The following ATG7 variants were observed in gnomAD, a reference collection of about 807,000 sequenced individuals.
ATG7 encodes autophagy related 7.
In ATG7, 70 loss-of-function variants were observed where a neutral mutation model predicts 82.4. The ratio of observed to expected loss-of-function variants is 0.85; its 90% CI spans 0.70 to 1.04. The LOEUF (loss-of-function observed/expected upper bound fraction) is 1.04, where lower values mean the gene tolerates loss of function less well. Among genes scored for constraint, ATG7 ranks in the 50% least tolerant of loss-of-function variants. ATG7 has a pLI of 0.00. For synonymous variants in ATG7, 287 were observed against 313.0 expected, an observed-to-expected ratio of 0.92 and a Z score of 0.88; for missense variants, 792 against 864.3, an observed-to-expected ratio of 0.92 and a Z score of 1.05.
intron 9 of ATG7, among the ~76,000 whole-genome samples, chr3:11,321,430 G>T (rs931031406): frequency 6.6e-6 from 1 of 150,846 alleles, no homozygotes; most frequent in Non-Finnish European, 1.5e-5. Flanking sequence ...ACCGTGACCA[G>T]CATGCAGCTG....
chr3:11,471,179 G>A (rs1251339847), intron 20 of ATG7, among the ~76,000 whole-genome samples: 1 of 152,056 alleles, frequency 6.6e-6, no homozygotes, highest in African/African-American at 2.4e-5. Flanking sequence ...CCAAAGGCTG[G>A]CTAGCCTTTG....
intron 9 of ATG7, among the ~76,000 whole-genome samples, chr3:11,319,039 C>T (rs1337279858): frequency 1.3e-5 from 2 of 152,232 alleles, no homozygotes; most frequent in Non-Finnish European, 2.9e-5. Context: ...TGTTTGTCCC[C>T]ACTCTGCGTC....
chr3:11,399,987 T>A (rs1283698419), intron 19 of ATG7, among the ~76,000 whole-genome samples: 1 of 152,256 alleles, frequency 6.6e-6, no homozygotes, highest in Non-Finnish European at 1.5e-5. Context: ...CTATAGACTA[T>A]ATTTTACATT....
chr3:11,317,395 C>T lies in ATG7; in HGVS notation c.678+1902C>T, dbSNP rs538239881. The stretch of plus-strand genomic sequence containing the variant: ...AAGTGCAGCTCTGCCAAAATAATAA[C>T]AGTTTGAACAGTGCTTTACAATTAA... On this transcript the variant is annotated intron_variant, in intron 9 of 20. Transcript: ENST00000693202. 1.8e-4 allele frequency among the ~76,000 whole-genome samples: 27 copies of T among 152,218 alleles called. 2 individuals carry two copies. The South Asian group carries it at 5.6e-3, about 32-fold the overall frequency.
At chr3:11,346,616 T>A (rs975721296) in intron 13 of ATG7, 2 of 152,234 alleles carry the variant, frequency 1.3e-5, no homozygotes, top group African/African-American at 4.8e-5. Context: ...GGCATGTTTG[T>A]AATGTATCTG....
rs543994723 is a variant in ATG7 at position 11,415,511 on chromosome 3, AT to A, written c.1957-11287del. On this transcript the variant is annotated intron_variant, in intron 19 of 20. Transcript: ENST00000693202. ...ACAAATTGTACAGCCATACAAAAAC[AT>A]TTTTTCTTTATACCCTTATCCTATA... 1.5e-4 allele frequency among the ~76,000 whole-genome samples: 23 copies of A among 152,258 alleles called. No homozygotes were observed. The South Asian group carries it at 3.5e-3, about 23-fold the overall frequency.
downstream of ATG7, chr3:11,558,472 A>G (rs979292945): frequency 7.2e-5 from 47 of 650,606 alleles, no homozygotes; most frequent in East Asian, 9.6e-5. Context: ...CCCCACCCCC[A>G]TGATTTTTTT....
chr3:11,491,610 C>T (rs1403128877), intron 20 of ATG7, among the ~76,000 whole-genome samples: 1 of 152,058 alleles, frequency 6.6e-6, no homozygotes, highest in African/African-American at 2.4e-5. Context: ...GTTTTATCTA[C>T]TTTTGGTCTT....
chr3:11,391,967 G>T (rs1415298007), intron 19 of ATG7, among the ~76,000 whole-genome samples: 6 of 130,704 alleles, frequency 4.6e-5, no homozygotes, highest in Admixed American at 7.4e-5. Flanking sequence ...TTGGGGGGGG[G>T]GTAATTTCAC....
At chr3:11,443,164 C>T (rs1026109849) in intron 20 of ATG7, among the ~76,000 whole-genome samples, 8 of 152,174 alleles carry the variant, frequency 5.3e-5, no homozygotes, top group African/African-American at 1.9e-4. Context: ...CCACCATACA[C>T]ACTTCTGTGT....
At chr3:11,299,496 G>T in intron 5 of ATG7, 80 bp downstream of exon 5, 1 of 1,435,820 alleles carries the variant, frequency 7.0e-7, no homozygotes, top group Non-Finnish European at 9.8e-7. Flanking sequence ...TCCCTCATAG[G>T]TGGACCACAG....
chr3:11,362,623 T>G lies in ATG7; in HGVS notation c.1684-190T>G, dbSNP rs981677980. Among the ~76,000 whole-genome samples, 14 of 152,230 alleles carry G rather than the reference T, an allele frequency of 9.2e-5. No homozygotes were observed. The highest frequency in any genetic ancestry group is 1.8e-4 in the Non-Finnish European group (12 of 68,040). On this transcript the variant is annotated intron_variant, in intron 16 of 20. Coordinates refer to ENST00000693202, the MANE Select transcript of ATG7 (RefSeq NM_001349232.2). ...CTTTTTAGCATATCACCTCATTTAG[T>G]TACCTAAATTGTATATTTTGTTTAT...
intron 20 of ATG7, among the ~76,000 whole-genome samples, chr3:11,469,776 C>G (rs1324185552): frequency 4.0e-5 from 6 of 151,582 alleles, no homozygotes; most frequent in African/African-American, 1.5e-4. Context: ...CATTTGAGTT[C>G]AGGAGTTTGA....
intron 20 of ATG7, among the ~76,000 whole-genome samples, chr3:11,428,638 A>C (rs1022859647): frequency 1.3e-5 from 2 of 152,228 alleles, no homozygotes; most frequent in Non-Finnish European, 2.9e-5. Flanking sequence ...TTGGGTTCCC[A>C]GGCAGGGTTC....
At chr3:11,348,320 G>GT in intron 14 of ATG7, 1 of 348,348 alleles carries the variant, frequency 2.9e-6, no homozygotes, top group Admixed American at 4.3e-5. Flanking sequence ...GACCTTCGCA[G>GT]TGAGTGTTAC....
At chr3:11,354,883 A>G (rs887060357) in intron 14 of ATG7, among the ~76,000 whole-genome samples, 2 of 152,214 alleles carry the variant, frequency 1.3e-5, no homozygotes, top group Non-Finnish European at 2.9e-5. Context: ...GTGGTCCCAG[A>G]CAGAGGGAAG....
At chr3:11,370,905 T>G (rs1405189638) in intron 18 of ATG7, among the ~76,000 whole-genome samples, 1 of 151,164 alleles carries the variant, frequency 6.6e-6, no homozygotes, top group Non-Finnish European at 1.5e-5. Flanking sequence ...CCTCTTTGCT[T>G]TTCAGCTTTA....
At chr3:11,518,597 C>T (rs1045526675) in intron 20 of ATG7, among the ~76,000 whole-genome samples, 7 of 151,580 alleles carry the variant, frequency 4.6e-5, no homozygotes, top group Admixed American at 4.6e-4. Flanking sequence ...TAGTGCAGAT[C>T]ACTCTTTGTT....
At chr3:11,504,665 C>T (rs1478751182) in intron 20 of ATG7, among the ~76,000 whole-genome samples, 1 of 152,114 alleles carries the variant, frequency 6.6e-6, no homozygotes, top group African/African-American at 2.4e-5. Flanking sequence ...AGACAGTTGG[C>T]AGAGAGTTTG....
Sources: gnomAD v4.1 joint callset for allele counts (sites outside exome capture counted in the v4.1 genomes callset) on GRCh38, gnomAD v4.1.1 for gene constraint, MANE v1.5 for transcripts, NCBI Gene and HGNC (gene_info 2026-07-23, HGNC 2026-07-21) for gene names.